TENM1: variants seen among roughly 807,000 people sequenced by gnomAD.
The protein encoded by TENM1 is teneurin transmembrane protein 1.
In TENM1, 35 loss-of-function variants were observed where a neutral mutation model predicts 174.8. The observed-to-expected ratio is 0.20, with a 90% CI of 0.15 to 0.27. The LOEUF is 0.27. Among genes scored for constraint, TENM1 ranks in the 10% least tolerant of loss-of-function variants. TENM1 has a pLI of 1.00. For missense variants in TENM1, 1,633 were observed against 2,130.1 expected (o/e 0.77, Z 4.59); for synonymous variants, 781 against 798.7 (o/e 0.98, Z 0.37).
the TENM1 span, among the ~76,000 whole-genome samples, chrX:124,998,958 A>T: frequency 9.0e-6 from 1 of 111,558 alleles, no homozygotes; most frequent in Non-Finnish European, 1.9e-5. Context: ...TTTGAGGTTG[A>T]ATTTAAATTT....
chrX:124,443,044 ATGTGTGTGTGTGTG>A (rs59365041), intron 23 of TENM1, among the ~76,000 whole-genome samples: 704 of 51,917 alleles, frequency 0.014, 11 homozygotes, highest in African/African-American at 0.044. Context: ...CTGGATGACT[ATGTGTGTGTGTGTG>A]TGTGTGTGTG....
At chrX:124,522,699 T>G (rs1242861795) in intron 17 of TENM1, among the ~76,000 whole-genome samples, 1 of 107,991 alleles carries the variant, frequency 9.3e-6, no homozygotes, top group Non-Finnish European at 1.9e-5. Context: ...CTTTTTTTTT[T>G]TTTTTGGAGA....
intron 20 of TENM1, among the ~76,000 whole-genome samples, chrX:124,493,387 G>T (rs1487529117): frequency 9.0e-6 from 1 of 111,423 alleles, no homozygotes; most frequent in Admixed American, 9.5e-5. Context: ...ACTAAATTTA[G>T]CTGGAGTTTA....
the TENM1 span, among the ~76,000 whole-genome samples, chrX:124,984,097 CATGCATGT>C: frequency 8.9e-6 from 1 of 112,519 alleles, no homozygotes; most frequent in African/African-American, 3.2e-5. Flanking sequence ...CTCTCACAAT[CATGCATGT>C]ATGCATGTGT....
chrX:125,149,385 G>A, the TENM1 span, among the ~76,000 whole-genome samples: 180 of 111,721 alleles, frequency 1.6e-3, 2 homozygotes, highest in East Asian at 0.041. Flanking sequence ...TATACTATAG[G>A]TCTTGTTTCA....
At chrX:125,071,675 T>C in the TENM1 span, among the ~76,000 whole-genome samples, 1 of 111,405 alleles carries the variant, frequency 9.0e-6, no homozygotes, top group Non-Finnish European at 1.9e-5. Flanking sequence ...TTCACTATTA[T>C]GTATAAAGAA....
chrX:124,586,961 C>A (rs1602725018), intron 11 of TENM1, among the ~76,000 whole-genome samples: 1 of 110,933 alleles, frequency 9.0e-6, no homozygotes, highest in African/African-American at 3.3e-5. Flanking sequence ...GAATAAAATA[C>A]CTTGGAATCC....
At chrX:124,977,961 TGTGTGTGAGAGAGAGAGAGAGA>T in the TENM1 span, among the ~76,000 whole-genome samples, 43 of 54,471 alleles carry the variant, frequency 7.9e-4, no homozygotes, top group African/African-American at 2.9e-3. Flanking sequence ...TGTGTGTGTG[TGTGTGTGAGAGAGAGAGAGAGA>T]GAGAGAGAGA....
intron 22 of TENM1, among the ~76,000 whole-genome samples, chrX:124,480,300 T>C (rs2046815016): frequency 8.9e-6 from 1 of 112,220 alleles, no homozygotes; most frequent in African/African-American, 3.2e-5. Context: ...TTTAATGGTA[T>C]GGGGTTAGCC....
At chrX:124,737,076 TCTC>T (rs1379171547) in exon 4 of TENM1, 3 of 1,211,277 alleles carry the variant, frequency 2.5e-6, no homozygotes, top group Non-Finnish European at 1.1e-6. Context: ...TAGTCATTGA[TCTC>T]CTCTGAAGAG....
intron 11 of TENM1, among the ~76,000 whole-genome samples, chrX:124,599,724 T>C (rs1458893556): frequency 9.0e-6 from 1 of 111,357 alleles, no homozygotes; most frequent in Non-Finnish European, 1.9e-5. Flanking sequence ...TCATATTTAG[T>C]AAAATGGTGA....
At chrX:124,422,719 AT>A in intron 23 of TENM1, 81 bp from the exon 27 acceptor site, 1 of 987,875 alleles carries the variant, frequency 1.0e-6, no homozygotes, top group South Asian at 2.4e-5. Context: ...AGAAAAAAAA[AT>A]TGGTGTATTG....
intron 18 of TENM1, among the ~76,000 whole-genome samples, chrX:124,518,507 A>G (rs1221814404): frequency 9.0e-6 from 1 of 110,985 alleles, no homozygotes; most frequent in African/African-American, 3.3e-5. Flanking sequence ...AGCTAAGGCA[A>G]CAAATACCTG....
chrX:124,782,461 T>C (rs148317531), intron 3 of TENM1, among the ~76,000 whole-genome samples: 2,374 of 110,963 alleles, frequency 0.021, 20 homozygotes, highest in Middle Eastern at 0.056. Flanking sequence ...TGACCATATA[T>C]ACCATACCCT....
chrX:124,654,359 C>G (rs1357164812), intron 6 of TENM1, among the ~76,000 whole-genome samples: 1 of 112,475 alleles, frequency 8.9e-6, no homozygotes, highest in African/African-American at 3.2e-5. Context: ...TCTGTGCGGA[C>G]AAGCACTGTG....
At chrX:124,583,226 G>T (rs2049379112) in intron 11 of TENM1, among the ~76,000 whole-genome samples, 1 of 111,506 alleles carries the variant, frequency 9.0e-6, no homozygotes, top group Non-Finnish European at 1.9e-5. Context: ...CGGGCAGACT[G>T]CCTCCTCAGG....
At chrX:124,772,621 T>C (rs1335412912) in intron 3 of TENM1, among the ~76,000 whole-genome samples, 1 of 111,866 alleles carries the variant, frequency 8.9e-6, no homozygotes, top group African/African-American at 3.2e-5. Flanking sequence ...AATAGATACT[T>C]GGTAAATAAT....
intron 3 of TENM1, among the ~76,000 whole-genome samples, chrX:124,862,557 T>C (rs941743511): frequency 9.1e-6 from 1 of 110,328 alleles, no homozygotes; most frequent in Admixed American, 9.6e-5. Context: ...CAACCACCCA[T>C]AGAGGGAGCA....
chrX:124,682,021 G>A (rs184032234), intron 5 of TENM1, among the ~76,000 whole-genome samples: 2 of 111,531 alleles, frequency 1.8e-5, no homozygotes, highest in South Asian at 3.8e-4. Flanking sequence ...GAGGGCCTCC[G>A]GTCTTTGAGA....
Sources: gnomAD v4.1 joint callset for allele counts (sites outside exome capture counted in the v4.1 genomes callset) on GRCh38, gnomAD v4.1.1 for gene constraint, MANE v1.5 for transcripts, NCBI Gene and HGNC (gene_info 2026-07-23, HGNC 2026-07-21) for gene names.